Variants in MAF observed in about 807,000 individuals in gnomAD.
MAF encodes transcription factor Maf.
A neutral mutation model predicts 22.0 loss-of-function variants in MAF; 10 were observed. That is an observed-to-expected ratio of 0.45 (90% confidence interval 0.28 to 0.77). The LOEUF (loss-of-function observed/expected upper bound fraction) is 0.77, where lower values mean the gene tolerates loss of function less well. Ranked by LOEUF, MAF falls within the 30% of genes least tolerant of loss-of-function variation. MAF has a pLI of 0.12. For missense variants in MAF, 544 were observed against 548.4 expected, an observed-to-expected ratio of 0.99 and a Z score of 0.08; for synonymous variants, 337 against 255.8, an observed-to-expected ratio of 1.32 and a Z score of -3.03.
chr16:79,404,845 AT>A, the MAF span, among the ~76,000 whole-genome samples: 10 of 152,026 alleles, frequency 6.6e-5, no homozygotes, highest in Non-Finnish European at 1.5e-4. Flanking sequence ...CCCCAAATGT[AT>A]TTTTTCCCCA....
the MAF span, among the ~76,000 whole-genome samples, chr16:79,302,554 A>T: frequency 6.6e-6 from 1 of 152,256 alleles, no homozygotes; most frequent in Non-Finnish European, 1.5e-5. Flanking sequence ...CCCTTCCAAG[A>T]AAACGCTTCT....
the MAF span, among the ~76,000 whole-genome samples, chr16:79,291,454 C>T: frequency 9.9e-5 from 15 of 152,230 alleles, no homozygotes; most frequent in East Asian, 2.7e-3. Flanking sequence ...TGATACTCTC[C>T]AGCGGGTAGT....
Position 79,599,073 on chromosome 16 carries a change from T to C in MAF, c.830A>G (p.Gln277Arg). 6.2e-7 allele frequency: 1 copy of C among 1,611,024 alleles called. No individual in the cohort carries two copies. Among genetic ancestry groups the C allele is most frequent in the Non-Finnish European group, 8.5e-7 (1 of 1,179,796 alleles). ...CTCCTCCTTGCTGACCCCGCGCAGC[T>C]GCCGGTTCAGCTCGCGCACAGACAT... ...VTMSVRELNRQLRGVSKEEVI... is the reference protein window; with the variant it reads ...VTMSVRELNRRLRGVSKEEVI... Residue 277 changes from glutamine to arginine, a missense_variant, in exon 1 of 2, where the codon CAG becomes CGG. Gln to Arg is a conservative substitution (Grantham distance 43). Transcript: ENST00000326043.
At chr16:79,302,847 T>A in the MAF span, among the ~76,000 whole-genome samples, 1 of 152,214 alleles carries the variant, frequency 6.6e-6, no homozygotes, top group Non-Finnish European at 1.5e-5. Flanking sequence ...TGTTGTCAAA[T>A]GAGAAATGCA....
At chr16:79,356,329 T>G in the MAF span, among the ~76,000 whole-genome samples, 1 of 152,166 alleles carries the variant, frequency 6.6e-6, no homozygotes, top group Non-Finnish European at 1.5e-5. Context: ...AGCAGGAAAT[T>G]CACAGGCCAC....
chr16:79,557,068 T>G, the MAF span, among the ~76,000 whole-genome samples: 2 of 151,046 alleles, frequency 1.3e-5, no homozygotes, highest in East Asian at 3.9e-4. Flanking sequence ...TCCTCCCAGG[T>G]AGCTGCAACT....
At chr16:79,292,138 G>A in the MAF span, among the ~76,000 whole-genome samples, 5 of 152,216 alleles carry the variant, frequency 3.3e-5, no homozygotes, top group African/African-American at 1.2e-4. Context: ...GGGTTGAATC[G>A]CATCTCTAAG....
chr16:79,348,898 G>A, the MAF span, among the ~76,000 whole-genome samples: 3 of 152,140 alleles, frequency 2.0e-5, no homozygotes, highest in Non-Finnish European at 1.5e-5. Context: ...TAAGCGTTCC[G>A]GTGACCCAGC....
chr16:79,589,119 G>T (rs1018472260), downstream of MAF, among the ~76,000 whole-genome samples: 1 of 152,042 alleles, frequency 6.6e-6, no homozygotes, highest in Non-Finnish European at 1.5e-5. Flanking sequence ...AAGGTGTAAC[G>T]ATACTTGCCT....
At chr16:79,402,807 G>A in the MAF span, among the ~76,000 whole-genome samples, 1 of 152,202 alleles carries the variant, frequency 6.6e-6, no homozygotes, top group East Asian at 1.9e-4. Context: ...GGCTCTCACT[G>A]TTGTACCTGC....
the MAF span, among the ~76,000 whole-genome samples, chr16:79,332,393 T>G: frequency 6.6e-6 from 1 of 152,144 alleles, no homozygotes; most frequent in Non-Finnish European, 1.5e-5. Context: ...CTCCACCTCC[T>G]GGGTTCAAGC....
chr16:79,442,702 T>G, the MAF span, among the ~76,000 whole-genome samples: 6 of 152,324 alleles, frequency 3.9e-5, no homozygotes, highest in African/African-American at 1.4e-4. Flanking sequence ...GTGAACTACC[T>G]TGCCTGGCTG....
chr16:79,202,746 T>A, the MAF span: 2 of 152,206 alleles, frequency 1.3e-5, no homozygotes, highest in Non-Finnish European at 2.9e-5. Context: ...TTGCCTAGAA[T>A]AGCAGCATGC....
the MAF span, among the ~76,000 whole-genome samples, chr16:79,322,356 A>T: frequency 6.6e-6 from 1 of 152,168 alleles, no homozygotes; most frequent in Non-Finnish European, 1.5e-5. Flanking sequence ...CCTAGGAGAC[A>T]AAGTGTTAAG....
At chr16:79,339,012 G>A in the MAF span, among the ~76,000 whole-genome samples, 1 of 151,642 alleles carries the variant, frequency 6.6e-6, no homozygotes, top group East Asian at 1.9e-4. Context: ...TGAATGTAAT[G>A]TTGTGTATTA....
At chr16:79,512,315 A>T in the MAF span, among the ~76,000 whole-genome samples, 1 of 152,196 alleles carries the variant, frequency 6.6e-6, no homozygotes, top group Non-Finnish European at 1.5e-5. Context: ...GCCAGTATCC[A>T]GACCATTTTC....
At chr16:79,384,561 T>A in the MAF span, among the ~76,000 whole-genome samples, 3 of 150,016 alleles carry the variant, frequency 2.0e-5, no homozygotes, top group African/African-American at 4.9e-5. Context: ...ATTGAGACCA[T>A]CCTGGCTAAC....
chr16:79,286,895 C>T, the MAF span, among the ~76,000 whole-genome samples: 4 of 152,164 alleles, frequency 2.6e-5, no homozygotes, highest in Non-Finnish European at 5.9e-5. Context: ...CCCACACAAA[C>T]GTATCGACGA....
chr16:79,594,604 G>T (rs79049104), intron 1 of MAF, 51 bp from the exon 2 acceptor site: 2 of 1,549,400 alleles, frequency 1.3e-6, no homozygotes, highest in Non-Finnish European at 8.7e-7. Context: ...AAGATCAAAC[G>T]CAGCGTAAAG....
Sources: allele counts gnomAD v4.1 joint callset (sites outside exome capture counted in the v4.1 genomes callset), GRCh38; gene constraint gnomAD v4.1.1; transcripts MANE v1.5; gene names NCBI Gene and HGNC (gene_info 2026-07-23, HGNC 2026-07-21).